AGT: variants seen among roughly 807,000 people sequenced by gnomAD.
AGT encodes the protein angiotensinogen.
A neutral mutation model predicts 28.1 loss-of-function variants in AGT; 26 were observed. That is an observed-to-expected ratio of 0.92 (90% CI 0.68 to 1.28). AGT has a LOEUF of 1.28. Among genes scored for constraint, AGT ranks in the 50% most tolerant of loss-of-function variants. AGT has a pLI of 0.00. For synonymous variants in AGT, 259 were observed against 259.6 expected, an observed-to-expected ratio of 1.00 and a Z score of 0.02; for missense variants, 596 against 592.3, an observed-to-expected ratio of 1.01 and a Z score of -0.06.
intron 1 of AGT, among the ~76,000 whole-genome samples, chr1:230,723,150 T>TCA (rs1326449489): frequency 6.6e-6 from 1 of 152,162 alleles, no homozygotes; most frequent in East Asian, 1.9e-4. Context: ...AGTTCCTCCT[T>TCA]CACACACACT....
At chr1:230,722,435 G>A (rs61331219) in intron 1 of AGT, among the ~76,000 whole-genome samples, 2,978 of 152,300 alleles carry the variant, frequency 0.02, 111 homozygotes, top group African/African-American at 0.065. Context: ...GTGAGAAGAC[G>A]GCCACCATCC....
intron 2 of AGT, among the ~76,000 whole-genome samples, chr1:230,709,026 G>T (rs2478539): frequency 0.57 from 86,321 of 152,044 alleles, 26,730 homozygotes; most frequent in East Asian, 0.83. Flanking sequence ...CAGCCCTGTT[G>T]CCCTCACTGC....
chr1:230,742,705 T>G (rs1485430556), intron 1 of AGT, among the ~76,000 whole-genome samples: 3 of 152,238 alleles, frequency 2.0e-5, no homozygotes. Flanking sequence ...GGCTGTACAC[T>G]GTTCCACTTC....
Position 230,743,757 on chromosome 1 carries a change from G to C in AGT, c.-31+1758C>G, listed in dbSNP as rs887087832. Reference sequence around the variant, plus strand: ...AGAGGTCATCTCCCTGCACCCATGTGAAGCTTCTGAGCATTTGTCCTTGGG... The same window carrying C: ...AGAGGTCATCTCCCTGCACCCATGTCAAGCTTCTGAGCATTTGTCCTTGGG... On this transcript the variant is annotated intron_variant, in intron 1 of 4. Transcript: ENST00000681269. 2.0e-5 allele frequency among the ~76,000 whole-genome samples: 3 copies of C among 152,246 alleles called. No homozygotes were observed. In the East Asian group the frequency reaches 5.8e-4, roughly 29 times the overall value.
At chr1:230,720,045 G>A (rs1359872819) in intron 1 of AGT, among the ~76,000 whole-genome samples, 1 of 152,148 alleles carries the variant, frequency 6.6e-6, no homozygotes, top group Non-Finnish European at 1.5e-5. Context: ...TATTGGGATT[G>A]TAGGTGATTA....
intron 1 of AGT, among the ~76,000 whole-genome samples, chr1:230,720,663 T>C (rs942229018): frequency 1.3e-5 from 2 of 152,254 alleles, no homozygotes; most frequent in East Asian, 1.9e-4. Context: ...ATTTTACATA[T>C]ACCTGTCCTT....
chr1:230,716,863 C>G (rs1378217437), upstream of AGT, among the ~76,000 whole-genome samples: 1 of 151,614 alleles, frequency 6.6e-6, no homozygotes, highest in Non-Finnish European at 1.5e-5. Context: ...CATATGGAGT[C>G]AGCAGAGCAT....
intron 1 of AGT, among the ~76,000 whole-genome samples, chr1:230,734,996 G>A (rs1336791713): frequency 3.9e-5 from 6 of 152,082 alleles, no homozygotes; most frequent in Non-Finnish European, 8.8e-5. Context: ...TTACAGATGT[G>A]AGCCATCGCG....
At chr1:230,738,646 C>T (rs920869696) in intron 1 of AGT, among the ~76,000 whole-genome samples, 1 of 152,132 alleles carries the variant, frequency 6.6e-6, no homozygotes, top group African/African-American at 2.4e-5. Flanking sequence ...GCTAATGCTA[C>T]CTTGCCAAAG....
chr1:230,739,413 C>G (rs1664206183), intron 1 of AGT, among the ~76,000 whole-genome samples: 1 of 151,942 alleles, frequency 6.6e-6, no homozygotes, highest in Non-Finnish European at 1.5e-5. Context: ...TTAAGAGTCA[C>G]CTTGTCCACC....
At chr1:230,718,607 G>T (rs1378282928), upstream of AGT, among the ~76,000 whole-genome samples, 3 of 146,232 alleles carry the variant, frequency 2.1e-5, no homozygotes, top group Non-Finnish European at 4.5e-5. Context: ...AAAAAAAAAA[G>T]ATTCCACATA....
At chr1:230,719,441 TC>T (rs1663803559), upstream of AGT, among the ~76,000 whole-genome samples, 1 of 133,032 alleles carries the variant, frequency 7.5e-6, no homozygotes, top group Admixed American at 7.3e-5. Context: ...GGAGTCTCGC[TC>T]TGTCGCCCAG....
chr1:230,721,013 C>A (rs950424042), intron 1 of AGT, among the ~76,000 whole-genome samples: 1 of 152,368 alleles, frequency 6.6e-6, no homozygotes, highest in Non-Finnish European at 1.5e-5. Context: ...GGTGAGGCAC[C>A]TCCAGGGACA....
chr1:230,722,323 G>A (rs1489283755), intron 1 of AGT, among the ~76,000 whole-genome samples: 1 of 152,246 alleles, frequency 6.6e-6, no homozygotes, highest in Non-Finnish European at 1.5e-5. Context: ...TACTGCAGGG[G>A]TGGAGATCCC....
intron 1 of AGT, among the ~76,000 whole-genome samples, chr1:230,739,622 G>A (rs950106093): frequency 4.6e-5 from 7 of 152,160 alleles, no homozygotes; most frequent in African/African-American, 7.2e-5. Flanking sequence ...CATTGCCCCC[G>A]ATAGGAAAAT....
intron 2 of AGT, among the ~76,000 whole-genome samples, chr1:230,707,714 CT>C (rs1253015638): frequency 1.3e-5 from 2 of 152,214 alleles, no homozygotes; most frequent in Admixed American, 6.5e-5. Context: ...CAATTCTTTT[CT>C]TCCAACAAAC....
chr1:230,725,969 T>TAAG (rs10673797), intron 1 of AGT, among the ~76,000 whole-genome samples: 24,596 of 152,028 alleles, frequency 0.16, 2,600 homozygotes, highest in East Asian at 0.49. Context: ...ACCTTAATGA[T>TAAG]AAGGATCAAC....
upstream of AGT, among the ~76,000 whole-genome samples, chr1:230,715,527 A>C (rs1663714747): frequency 1.3e-5 from 2 of 152,296 alleles, no homozygotes; most frequent in South Asian, 4.2e-4. Context: ...TAAATAGACA[A>C]TTTTAATTTA....
chr1:230,705,859 A>C (rs1336748587), intron 3 of AGT, 74 bp downstream of exon 3: 12 of 1,579,120 alleles, frequency 7.6e-6, no homozygotes, highest in Non-Finnish European at 1.0e-5. Context: ...AGGTGTGTCT[A>C]CTCCCCACCC....
Sources: allele counts gnomAD v4.1 joint callset (sites outside exome capture counted in the v4.1 genomes callset), GRCh38; gene constraint gnomAD v4.1.1; transcripts MANE v1.5; gene names NCBI Gene and HGNC (gene_info 2026-07-23, HGNC 2026-07-21).